The following TRAPPC6B variants were observed in gnomAD, a reference collection of about 807,000 sequenced individuals.
The protein encoded by TRAPPC6B is TRAPP complex subunit 6B.
Under a neutral mutation model 24.7 loss-of-function variants are expected in TRAPPC6B, and 27 were observed. That is an observed-to-expected ratio of 1.09 (90% confidence interval 0.81 to 1.51). TRAPPC6B has a LOEUF of 1.51. Ranked by LOEUF, TRAPPC6B falls within the 40% of genes most tolerant of loss-of-function variation. The pLI, the probability that TRAPPC6B is intolerant of heterozygous loss-of-function variation, is 0.00. For missense variants in TRAPPC6B, 212 were observed against 190.8 expected (o/e 1.11, Z -0.66); for synonymous variants, 80 against 66.6 (o/e 1.20, Z -0.98).
At chr14:39,169,597 T>C (rs546879172) in intron 1 of TRAPPC6B, among the ~76,000 whole-genome samples, 2 of 152,228 alleles carry the variant, frequency 1.3e-5, no homozygotes, top group Non-Finnish European at 2.9e-5. Flanking sequence ...GGAGTTGTAC[T>C]GAGCATTAGG....
intron 1 of TRAPPC6B, among the ~76,000 whole-genome samples, chr14:39,162,567 T>C (rs1240933837): frequency 1.3e-5 from 2 of 152,194 alleles, no homozygotes; most frequent in Non-Finnish European, 2.9e-5. Flanking sequence ...ATCATTCTTC[T>C]CTCCTAGGTT....
In TRAPPC6B at chr14:39,148,263, G is replaced by A; in HGVS notation, c.*2087C>T. The stretch of plus-strand genomic sequence containing the variant: ...CCCTAACTTGTATCAATTGTTAAGA[G>A]CAACAGAAAATTTCTTATTCAAAGC... On this transcript the variant is annotated 3_prime_UTR_variant, in exon 6 of 6. Coordinates refer to ENST00000330149, the MANE Select transcript of TRAPPC6B (RefSeq NM_001079537.2). 6.0e-6 allele frequency: 1 copy of A among 166,876 alleles called. No homozygotes were observed. The highest frequency in any genetic ancestry group is 1.7e-4 in the East Asian group (1 of 6,048). The allele number at this position is 166,876 out of a possible 1,614,324, so 10.3% of individuals were successfully genotyped here.
chr14:39,161,170 G>A (rs1406633609), intron 1 of TRAPPC6B, among the ~76,000 whole-genome samples: 1 of 152,170 alleles, frequency 6.6e-6, no homozygotes, highest in Non-Finnish European at 1.5e-5. Flanking sequence ...AAGTTATACT[G>A]TGGTTAAGGC....
intron 4 of TRAPPC6B, among the ~76,000 whole-genome samples, chr14:39,153,891 G>A (rs553636527): frequency 6.6e-6 from 1 of 152,080 alleles, no homozygotes; most frequent in Non-Finnish European, 1.5e-5. Flanking sequence ...TTTTAGTAGA[G>A]AAAGGGTTTC....
At chr14:39,167,752 T>C (rs770286469) in intron 1 of TRAPPC6B, among the ~76,000 whole-genome samples, 1 of 152,208 alleles carries the variant, frequency 6.6e-6, no homozygotes, top group African/African-American at 2.4e-5. Context: ...AGAAAGTTAT[T>C]TTTAGCTTAA....
At position 39,148,964 on chromosome 14, in the gene TRAPPC6B, T is replaced by C. The variant is rs930798863; in HGVS notation, c.*1386A>G. 5.2e-6 allele frequency: 2 copies of C among 388,242 alleles called. No homozygotes were observed. The highest frequency in any genetic ancestry group is 4.5e-5 in the Admixed American group (1 of 22,434). The allele number at this position is 388,242 out of a possible 1,614,324, so 24.0% of individuals were successfully genotyped here. On this transcript the variant is annotated 3_prime_UTR_variant, in exon 6 of 6. Coordinates refer to ENST00000330149, the MANE Select transcript of TRAPPC6B (RefSeq NM_001079537.2). ...TAGGACACTGTAACACAATGGTAAGTACTTGCATATCTAAACATAAAGAAG... is the reference window on the plus strand; with the variant it reads ...TAGGACACTGTAACACAATGGTAAGCACTTGCATATCTAAACATAAAGAAG...
chr14:39,160,032 T>C (rs2053037093), intron 1 of TRAPPC6B, among the ~76,000 whole-genome samples: 1 of 152,124 alleles, frequency 6.6e-6, no homozygotes, highest in South Asian at 2.1e-4. Context: ...TACAAAATGT[T>C]GGCCATGCTG....
intron 1 of TRAPPC6B, among the ~76,000 whole-genome samples, chr14:39,160,338 G>A (rs1446478003): frequency 6.6e-6 from 1 of 152,020 alleles, no homozygotes; most frequent in Admixed American, 6.6e-5. Context: ...AGCACTTTAG[G>A]AGGCCAAAGC....
At chr14:39,161,203 G>A (rs1158746445) in intron 1 of TRAPPC6B, among the ~76,000 whole-genome samples, 1 of 152,114 alleles carries the variant, frequency 6.6e-6, no homozygotes, top group Non-Finnish European at 1.5e-5. Flanking sequence ...CCTTGAAAAG[G>A]CCCACATTCT....
At chr14:39,157,685 C>CA (rs2052999751) in intron 3 of TRAPPC6B, 1 of 253,590 alleles carries the variant, frequency 3.9e-6, no homozygotes, top group Non-Finnish European at 7.8e-6. Context: ...CAGATTAACT[C>CA]AGAGGACAAT....
chr14:39,151,486 A>G (rs1050419755), intron 5 of TRAPPC6B, among the ~76,000 whole-genome samples: 4 of 152,090 alleles, frequency 2.6e-5, no homozygotes, highest in African/African-American at 9.7e-5. Context: ...AATATCTTTA[A>G]AAAAGTTACA....
chr14:39,166,568 C>A (rs549845172), intron 1 of TRAPPC6B, among the ~76,000 whole-genome samples: 1 of 152,208 alleles, frequency 6.6e-6, no homozygotes, highest in Admixed American at 6.5e-5. Flanking sequence ...TAGCCCTTCC[C>A]GAAACTAAAT....
Position 39,170,213 on chromosome 14 carries a change from C to G in TRAPPC6B, c.-118G>C. ...CGGCTCCGTCAGGCCGCCATTCTATCCCTGTGGCTAAGAGACCGAGGTATT... is the reference window on the plus strand; with the variant it reads ...CGGCTCCGTCAGGCCGCCATTCTATGCCTGTGGCTAAGAGACCGAGGTATT... On this transcript the variant is annotated 5_prime_UTR_variant, in exon 1 of 6. Coordinates refer to ENST00000330149, the MANE Select transcript of TRAPPC6B (RefSeq NM_001079537.2). 3 of 925,074 alleles carry G rather than the reference C, an allele frequency of 3.2e-6. No individual in the cohort carries two copies. Among genetic ancestry groups the G allele is most frequent in the Non-Finnish European group, 5.1e-6 (3 of 590,988 alleles). The allele number at this position is 925,074 out of a possible 1,614,324, so 57.3% of individuals were successfully genotyped here.
At chr14:39,156,295 G>A (rs1002474478) in intron 3 of TRAPPC6B, among the ~76,000 whole-genome samples, 3 of 152,144 alleles carry the variant, frequency 2.0e-5, no homozygotes, top group African/African-American at 7.2e-5. Flanking sequence ...GACCAGTCTG[G>A]AAAACATAGT....
intron 3 of TRAPPC6B, among the ~76,000 whole-genome samples, chr14:39,156,527 A>C (rs1400308299): frequency 6.6e-6 from 1 of 152,136 alleles, no homozygotes; most frequent in African/African-American, 2.4e-5. Flanking sequence ...CCAGGAGCTC[A>C]AGACTAGTCT....
rs2052874299 is a variant in TRAPPC6B at position 39,148,077 on chromosome 14, C to G, written c.*2273G>C. The G allele has an allele frequency of 6.6e-6, 1 of 152,196 alleles. No homozygotes were observed. Among genetic ancestry groups the G allele is most frequent in the Non-Finnish European group, 1.5e-5 (1 of 68,048 alleles). 9.4% of individuals were successfully genotyped at this position (152,196 alleles called of 1,614,324 possible). The stretch of plus-strand genomic sequence containing the variant: ...GTTCCTGGATTGGTTAATTCAGAAG[C>G]ACAATTCAGGTGCTTTCTATCTACA... On this transcript the variant is annotated 3_prime_UTR_variant, in exon 6 of 6. Transcript: ENST00000330149.
At chr14:39,161,923 G>C (rs1287959008) in intron 1 of TRAPPC6B, among the ~76,000 whole-genome samples, 1 of 152,200 alleles carries the variant, frequency 6.6e-6, no homozygotes. Context: ...TAGCGATGAG[G>C]TTTCTTCACC....
At chr14:39,168,431 A>T (rs1171622422) in intron 1 of TRAPPC6B, among the ~76,000 whole-genome samples, 1 of 152,150 alleles carries the variant, frequency 6.6e-6, no homozygotes, top group Non-Finnish European at 1.5e-5. Flanking sequence ...GACTTGAAAA[A>T]AATCTCTATT....
intron 1 of TRAPPC6B, among the ~76,000 whole-genome samples, chr14:39,163,062 C>G (rs1418763198): frequency 6.6e-6 from 1 of 150,682 alleles, no homozygotes; most frequent in African/African-American, 2.5e-5. Flanking sequence ...TTTGGCAACT[C>G]TCTATCCTAG....
Sources: allele counts gnomAD v4.1 joint callset (sites outside exome capture counted in the v4.1 genomes callset), GRCh38; gene constraint gnomAD v4.1.1; transcripts MANE v1.5; gene names NCBI Gene and HGNC (gene_info 2026-07-23, HGNC 2026-07-21).